COL24A1: variants seen among roughly 807,000 people sequenced by gnomAD.
COL24A1 encodes collagen alpha-1(XXIV) chain.
COL24A1 carries 224 observed loss-of-function variants against 253.9 expected under a neutral mutation model. That is an observed-to-expected ratio of 0.88 (90% CI 0.79 to 0.99). The LOEUF is 0.99. COL24A1 is among the 50% of genes least tolerant of loss of function. COL24A1 has a pLI of 0.00. For missense variants in COL24A1, 2,131 were observed against 2,068.5 expected, an observed-to-expected ratio of 1.03 and a Z score of -0.59; for synonymous variants, 685 against 673.7, an observed-to-expected ratio of 1.02 and a Z score of -0.26.
At chr1:85,745,623 G>T in intron 55 of COL24A1, 117 bp from the exon 56 acceptor site, 2 of 667,294 alleles carry the variant, frequency 3.0e-6, no homozygotes, top group South Asian at 5.3e-5. Flanking sequence ...ATTATCTGAA[G>T]GGGTTCTGTA....
chr1:86,007,356 CTTA>C (rs1696071728), intron 19 of COL24A1, among the ~76,000 whole-genome samples: 1 of 152,180 alleles, frequency 6.6e-6, no homozygotes, highest in Admixed American at 6.5e-5. Flanking sequence ...AAAAGGAACT[CTTA>C]TTCATTGCCA....
intron 2 of COL24A1, among the ~76,000 whole-genome samples, chr1:86,141,141 A>C (rs1651010287): frequency 6.6e-6 from 1 of 152,230 alleles, no homozygotes; most frequent in Non-Finnish European, 1.5e-5. Context: ...TGAAAAGCAC[A>C]CGAAGAAATT....
At chr1:86,068,206 G>A (rs775153490) in intron 7 of COL24A1, among the ~76,000 whole-genome samples, 1 of 152,208 alleles carries the variant, frequency 6.6e-6, no homozygotes, top group Non-Finnish European at 1.5e-5. Flanking sequence ...GTGAGCAAGA[G>A]CAATCACAGT....
At position 86,011,659 on chromosome 1, in the gene COL24A1, T is replaced by A. The variant is rs142158285; in HGVS notation, c.2310+5492A>T. On this transcript the variant is annotated intron_variant, in intron 19 of 59. Coordinates refer to ENST00000370571, the MANE Select transcript of COL24A1 (RefSeq NM_152890.7). Reference sequence around the variant, plus strand: ...AAAGCTTATTAGTGTCTTTCTTTTATCACTTTGTTTTTAAAAACATTTATA... The same window carrying A: ...AAAGCTTATTAGTGTCTTTCTTTTAACACTTTGTTTTTAAAAACATTTATA... 5.3e-5 allele frequency among the ~76,000 whole-genome samples: 8 copies of A among 152,350 alleles called. No individual in the cohort carries two copies. In the East Asian group the frequency reaches 1.4e-3, roughly 26 times the overall value.
Position 85,858,621 on chromosome 1 carries a change from CTCCTTCCTTCCTTCCTTCCT to C in COL24A1, c.3301-9235_3301-9216del, listed in dbSNP as rs1192322864. Among the ~76,000 whole-genome samples the C allele has an allele frequency of 3.9e-3, 446 of 113,364 alleles. 3 individuals carry two copies. The highest frequency in any genetic ancestry group is 0.012 in the African/African-American group (404 of 32,414). 74.4% of individuals were successfully genotyped at this position (113,364 alleles called of 152,430 possible). A position where few individuals can be genotyped will look rare whatever the true frequency, so the allele number is the denominator to read the frequency against. On this transcript the variant is annotated intron_variant, in intron 37 of 59. Transcript: ENST00000370571. ...AACATATTTTCTCCTTATTTTCTCCCTCCTTCCTTCCTTCCTTCCTTCCTTCCTTCCTTCCTTCCTTCCTT... is the reference window on the plus strand; with the variant it reads ...AACATATTTTCTCCTTATTTTCTCCCTCCTTCCTTCCTTCCTTCCTTCCTT...
At chr1:86,095,339 C>T (rs1703818756) in intron 5 of COL24A1, among the ~76,000 whole-genome samples, 1 of 151,982 alleles carries the variant, frequency 6.6e-6, no homozygotes, top group Non-Finnish European at 1.5e-5. Context: ...ACACATTTGA[C>T]ACATATATGT....
chr1:85,877,631 G>A (rs1047968462), intron 32 of COL24A1, among the ~76,000 whole-genome samples: 7 of 152,178 alleles, frequency 4.6e-5, no homozygotes, highest in Non-Finnish European at 7.3e-5. Context: ...CCAAAGTGCC[G>A]GGATTACAGG....
chr1:86,077,786 A>C lies in COL24A1; in HGVS notation c.1707+11388T>G, dbSNP rs185749488. 3.5e-3 allele frequency among the ~76,000 whole-genome samples: 533 copies of C among 152,216 alleles called. 3 individuals are homozygous for C. Among genetic ancestry groups the C allele is most frequent in the African/African-American group, 0.012 (514 of 41,504 alleles). On this transcript the variant is annotated intron_variant, in intron 7 of 59. Transcript: ENST00000370571. ...TCTCACTCAAAAGTGGGAGCTGAACAATGAGAACACATGGACACAGGGAGG... is the reference window on the plus strand; with the variant it reads ...TCTCACTCAAAAGTGGGAGCTGAACCATGAGAACACATGGACACAGGGAGG...
At chr1:85,997,548 G>T (rs1279733460) in intron 19 of COL24A1, among the ~76,000 whole-genome samples, 1 of 152,050 alleles carries the variant, frequency 6.6e-6, no homozygotes, top group African/African-American at 2.4e-5. Flanking sequence ...ACTTTGGGAG[G>T]CCAACTTGGG....
chr1:86,120,204 G>C (rs1571987986), intron 3 of COL24A1, among the ~76,000 whole-genome samples: 1 of 152,142 alleles, frequency 6.6e-6, no homozygotes. Flanking sequence ...AGAAAACTTA[G>C]GCAATACCAT....
At position 85,874,667 on chromosome 1, in the gene COL24A1, A is replaced by C. The variant is rs761451824; in HGVS notation, c.3120T>G (p.Thr1040=). The change falls in exon 35 of 60, where the codon ACT becomes ACG. Residue 1040 remains threonine, a synonymous_variant. Transcript: ENST00000370571. ...CACTCACCCGTAAACCTGGTTCCCC[A>C]GTTCCTCCAACACTGCCAGCAGTTC... ...DVGTAGSVGG[T]GEPGLRGEPG... The C allele has an allele frequency of 3.8e-5, 62 of 1,612,454 alleles. No individual in the cohort carries two copies. The South Asian group carries it at 6.4e-4, about 17-fold the overall frequency.
At chr1:86,016,451 T>C (rs1033326608) in intron 19 of COL24A1, among the ~76,000 whole-genome samples, 1 of 152,238 alleles carries the variant, frequency 6.6e-6, no homozygotes, top group African/African-American at 2.4e-5. Context: ...TAAATATGTA[T>C]GTACACTGAT....
chr1:86,075,887 T>G (rs546064195), intron 7 of COL24A1, among the ~76,000 whole-genome samples: 1 of 152,172 alleles, frequency 6.6e-6, no homozygotes, highest in South Asian at 2.1e-4. Flanking sequence ...ATTGATGGAA[T>G]GTATCTCAAA....
intron 24 of COL24A1, among the ~76,000 whole-genome samples, chr1:85,916,931 C>T (rs952025563): frequency 3.3e-5 from 5 of 152,108 alleles, no homozygotes; most frequent in Admixed American, 2.6e-4. Context: ...CATGTATGTA[C>T]TAGGAGACAT....
intron 37 of COL24A1, among the ~76,000 whole-genome samples, chr1:85,858,636 C>A (rs866580593): frequency 7.2e-6 from 1 of 138,716 alleles, no homozygotes; most frequent in East Asian, 2.1e-4. Flanking sequence ...TCCTTCCTTC[C>A]TTCCTTCCTT....
rs1372915072 is a variant in COL24A1 at position 85,757,005 on chromosome 1, C to A, written c.4437+4391G>T. Among the ~76,000 whole-genome samples the A allele has an allele frequency of 2.6e-5, 4 of 152,058 alleles. No individual in the cohort carries two copies. In the East Asian group the frequency reaches 7.7e-4, roughly 29 times the overall value. ...ACTTATATGAGGTACCTAGAGTAGT[C>A]GAATTCATAGAGACAGAAAGTAGAA... On this transcript the variant is annotated intron_variant, in intron 55 of 59. Transcript: ENST00000370571.
intron 20 of COL24A1, among the ~76,000 whole-genome samples, chr1:85,983,699 A>G (rs1359805201): frequency 6.6e-6 from 1 of 151,884 alleles, no homozygotes; most frequent in Admixed American, 6.6e-5. Context: ...CTTCTATGAT[A>G]CAGTACACCC....
intron 2 of COL24A1, among the ~76,000 whole-genome samples, chr1:86,141,846 A>G (rs1236358368): frequency 6.6e-6 from 1 of 151,948 alleles, no homozygotes; most frequent in African/African-American, 2.4e-5. Context: ...GATTACAGGC[A>G]TATGCCACCA....
intron 32 of COL24A1, among the ~76,000 whole-genome samples, chr1:85,879,727 A>G (rs935741438): frequency 6.6e-6 from 1 of 152,226 alleles, no homozygotes; most frequent in Non-Finnish European, 1.5e-5. Flanking sequence ...GAAGTAGAGC[A>G]TCATCAAGAT....
Sources: gnomAD v4.1 joint callset for allele counts (sites outside exome capture counted in the v4.1 genomes callset) on GRCh38, gnomAD v4.1.1 for gene constraint, MANE v1.5 for transcripts, NCBI Gene and HGNC (gene_info 2026-07-23, HGNC 2026-07-21) for gene names.